Variants in CCKBR observed in about 807,000 individuals in gnomAD.
The protein encoded by CCKBR is gastrin/cholecystokinin type B receptor.
A neutral mutation model predicts 34.6 loss-of-function variants in CCKBR; 33 were observed. The observed-to-expected ratio is 0.95, with a 90% CI of 0.72 to 1.27. CCKBR has a LOEUF of 1.27. Ranked by LOEUF, CCKBR falls within the 50% of genes most tolerant of loss-of-function variation. The pLI, the probability that CCKBR is intolerant of heterozygous loss-of-function variation, is 0.00. For synonymous variants in CCKBR, 269 were observed against 267.5 expected (o/e 1.01, Z -0.06); for missense variants, 652 against 617.4 (o/e 1.06, Z -0.59).
chr11:6,269,225 G>A (rs1340697837), intron 1 of CCKBR, among the ~76,000 whole-genome samples: 1 of 151,140 alleles, frequency 6.6e-6, no homozygotes, highest in Non-Finnish European at 1.5e-5. Context: ...AAGGTAGTGG[G>A]TTGTCAACAG....
chr11:6,260,387 A>G (rs1848112012), intron 1 of CCKBR, among the ~76,000 whole-genome samples: 1 of 152,124 alleles, frequency 6.6e-6, no homozygotes, highest in African/African-American at 2.4e-5. Context: ...ACCAGTCAGA[A>G]GGCGAGGACC....
Position 6,260,979 on chromosome 11 carries a change from G to A in CCKBR, c.151+900G>A, listed in dbSNP as rs921178217. Among the ~76,000 whole-genome samples, 102 of 152,214 alleles carry A rather than the reference G, an allele frequency of 6.7e-4. 1 individual carries two copies. The highest frequency in any genetic ancestry group is 2.5e-3 in the African/African-American group (102 of 41,448). On this transcript the variant is annotated intron_variant, in intron 1 of 4. Transcript: ENST00000334619. ...GTCTTGAAGTTGAGTAGGCAGAAAA[G>A]GAAGGAGTGGGATTCTAGGTGAAGG... is the stretch of plus-strand genomic sequence containing the variant.
chr11:6,261,452 A>ATAT (rs1464632432), intron 1 of CCKBR, among the ~76,000 whole-genome samples: 2,643 of 46,748 alleles, frequency 0.057, 148 homozygotes, highest in Middle Eastern at 0.089. Context: ...AAAAAAAAAA[A>ATAT]AAATATATAT....
At chr11:6,269,592 G>A in intron 1 of CCKBR, 77 bp from the exon 2 acceptor site, 1 of 1,533,610 alleles carries the variant, frequency 6.5e-7, no homozygotes, top group Non-Finnish European at 8.9e-7. Context: ...GTGAGGGTTG[G>A]GGATAAGACG....
intron 1 of CCKBR, chr11:6,264,732 C>G (rs1233234641): frequency 3.9e-6 from 2 of 515,436 alleles, no homozygotes; most frequent in Non-Finnish European, 6.8e-6. Flanking sequence ...AATACACACA[C>G]ACACACACAC....
At chr11:6,260,787 T>TG (rs1243301708) in intron 1 of CCKBR, among the ~76,000 whole-genome samples, 1 of 152,212 alleles carries the variant, frequency 6.6e-6, no homozygotes, top group African/African-American at 2.4e-5. Context: ...GGCTAGGTGC[T>TG]GGGGGCACAG....
chr11:6,265,918 C>A (rs536002562), intron 1 of CCKBR, among the ~76,000 whole-genome samples: 1 of 152,052 alleles, frequency 6.6e-6, no homozygotes, highest in African/African-American at 2.4e-5. Flanking sequence ...GCAGAGATGA[C>A]GGATGGATGA....
chr11:6,270,279 G>A lies in CCKBR; in HGVS notation c.595G>A (p.Gly199Arg), dbSNP rs1848277275. 4 of 1,613,452 alleles carry A rather than the reference G, an allele frequency of 2.5e-6. No individual in the cohort carries two copies. Among genetic ancestry groups the A allele is most frequent in the East Asian group, 2.2e-5 (1 of 44,874 alleles). ...YPVYTVVQPV[G>R]PRVLQCVHRW... ...CGTGTACACTGTCGTGCAACCAGTG[G>A]GGCCTCGTGTGCTGCAGTGCGTGCA... The change falls in exon 3 of 5, where the codon GGG becomes AGG. Residue 199 changes from glycine (G) to arginine (R), a missense_variant. Coordinates refer to ENST00000334619, the MANE Select transcript of CCKBR (RefSeq NM_176875.4).
At chr11:6,260,665 T>A (rs771850307) in intron 1 of CCKBR, among the ~76,000 whole-genome samples, 1 of 152,220 alleles carries the variant, frequency 6.6e-6, no homozygotes, top group Non-Finnish European at 1.5e-5. Context: ...TCCATTTCAC[T>A]CCTTCTCAAA....
intron 3 of CCKBR, 145 bp downstream of exon 3, chr11:6,270,482 TG>T: frequency 5.7e-6 from 8 of 1,398,202 alleles, no homozygotes; most frequent in Non-Finnish European, 6.8e-6. Flanking sequence ...AGTTCCAGTT[TG>T]GGGCCCCTCC....
intron 3 of CCKBR, 36 bp downstream of exon 3, chr11:6,270,373 T>C (rs1331814935): frequency 1.3e-6 from 2 of 1,593,144 alleles, no homozygotes; most frequent in African/African-American, 2.7e-5. Context: ...GGAATTCCTT[T>C]CTCACCCCTA....
At chr11:6,270,359 C>T (rs1036502991) in intron 3 of CCKBR, 22 bp downstream of exon 3, 8 of 1,599,134 alleles carry the variant, frequency 5.0e-6, no homozygotes, top group Non-Finnish European at 6.8e-6. Flanking sequence ...CATAAACTAT[C>T]CTAGGAATTC....
chr11:6,269,096 G>C (rs1848249985), intron 1 of CCKBR, among the ~76,000 whole-genome samples: 1 of 151,692 alleles, frequency 6.6e-6, no homozygotes, highest in Admixed American at 6.6e-5. Flanking sequence ...GTCCCTTCTG[G>C]GAGGATCTTG....
In CCKBR at chr11:6,270,703, C is replaced by G. The variant is rs770691381; in HGVS notation, c.711C>G (p.Ala237=). Residue 237 remains alanine (A), a synonymous_variant, in exon 4 of 5, where the codon GCC becomes GCG. Transcript: ENST00000334619. ...TCCCGGGTGTGGTTATGGCCGTGGC[C>G]TACGGGCTTATCTCTCGCGAGCTCT... ...FFIPGVVMAV[A]YGLISRELYL... is the part of the protein sequence containing the mutation. 6.2e-7 allele frequency: 1 copy of G among 1,614,148 alleles called. No individual in the cohort carries two copies. Among genetic ancestry groups the G allele is most frequent in the Non-Finnish European group, 8.5e-7 (1 of 1,179,988 alleles).
chr11:6,266,281 G>A (rs929408871), intron 1 of CCKBR, among the ~76,000 whole-genome samples: 4 of 152,022 alleles, frequency 2.6e-5, no homozygotes, highest in Admixed American at 6.6e-5. Context: ...ACCTGAGGTC[G>A]GGAGTTCGAG....
chr11:6,266,891 C>T (rs796087715), intron 1 of CCKBR, among the ~76,000 whole-genome samples: 19 of 152,272 alleles, frequency 1.2e-4, no homozygotes, highest in African/African-American at 4.6e-4. Context: ...ACGGTATAGC[C>T]TACTGCTCCC....
In CCKBR at chr11:6,270,221, G is replaced by A; in HGVS notation, c.537G>A (p.Trp179Ter). Residue 179 changes from tryptophan (W) to a stop codon, truncating the protein, a stop_gained, in exon 3 of 5, where the codon TGG (tryptophan) becomes TGA (stop). Coordinates refer to ENST00000334619, the MANE Select transcript of CCKBR (RefSeq NM_176875.4). LOFTEE classifies it high-confidence loss of function. ...SHAARVIVAT[W>*]LLSGLLMVPY... ...CGGCTCGCGTGATTGTAGCCACGTG[G>A]CTGCTGTCCGGACTACTCATGGTGC... 6.2e-7 allele frequency: 1 copy of A among 1,613,262 alleles called. No individual in the cohort carries two copies. The highest frequency in any genetic ancestry group is 8.5e-7 in the Non-Finnish European group (1 of 1,180,040).
At chr11:6,262,464 T>C (rs992510199) in intron 1 of CCKBR, among the ~76,000 whole-genome samples, 12 of 152,050 alleles carry the variant, frequency 7.9e-5, no homozygotes, top group African/African-American at 2.7e-4. Flanking sequence ...TTCAAGCAGG[T>C]TGGGGTAAGT....
rs1590662797 is a variant in CCKBR at position 6,259,922 on chromosome 11, G to A, written c.-7G>A. 2 of 1,436,044 alleles carry A rather than the reference G, an allele frequency of 1.4e-6. No individual in the cohort carries two copies. Among genetic ancestry groups the A allele is most frequent in the South Asian group, 1.4e-5 (1 of 69,510 alleles). The allele number at this position is 1,436,044 out of a possible 1,614,324, so 89.0% of individuals were successfully genotyped here. ...AGCTGAGTAAGGCGGCGGGCTCGGC[G>A]GGGGCCATGGAGCTGCTAAAGCTGA... On this transcript the variant is annotated 5_prime_UTR_variant, in exon 1 of 5. Transcript: ENST00000334619.
Sources: gnomAD v4.1 joint callset for allele counts (sites outside exome capture counted in the v4.1 genomes callset) on GRCh38, gnomAD v4.1.1 for gene constraint, MANE v1.5 for transcripts, NCBI Gene and HGNC (gene_info 2026-07-23, HGNC 2026-07-21) for gene names.